Variants in PCDHGA10 observed in about 807,000 individuals in gnomAD.
PCDHGA10 encodes the protein protocadherin gamma-A10.
PCDHGA10 carries 42 observed loss-of-function variants against 59.5 expected under a neutral mutation model. The ratio of observed to expected loss-of-function variants is 0.71; its 90% CI spans 0.55 to 0.91. The LOEUF (loss-of-function observed/expected upper bound fraction) is 0.91, where lower values mean the gene tolerates loss of function less well. Ranked by LOEUF, PCDHGA10 falls within the 40% of genes least tolerant of loss-of-function variation. The probability of loss-of-function intolerance (pLI) is 0.00; values close to 1 mark genes in which losing one functional copy is unlikely to be tolerated. For missense variants in PCDHGA10, 1,111 were observed against 1,198.2 expected (o/e 0.93, Z 1.07); for synonymous variants, 511 against 517.2 (o/e 0.99, Z 0.16).
chr5:141,469,410 A>G (rs2099200490), intron 1 of PCDHGA10, among the ~76,000 whole-genome samples: 1 of 152,128 alleles, frequency 6.6e-6, no homozygotes, highest in Non-Finnish European at 1.5e-5. Context: ...CCCCGTTTCT[A>G]CTAAAAATAT....
At chr5:141,421,529 C>T in intron 1 of PCDHGA10, 1 of 1,614,020 alleles carries the variant, frequency 6.2e-7, no homozygotes, top group Non-Finnish European at 8.5e-7. Flanking sequence ...GAGACGGTGT[C>T]CTCCTGTTTT....
At chr5:141,441,855 G>A in intron 1 of PCDHGA10, 3 of 351,872 alleles carry the variant, frequency 8.5e-6, no homozygotes, top group Admixed American at 4.0e-5. Flanking sequence ...ATATGGTGCT[G>A]CACGCCGCGG....
At chr5:141,443,317 C>A (rs898636207) in intron 1 of PCDHGA10, among the ~76,000 whole-genome samples, 39 of 142,046 alleles carry the variant, frequency 2.7e-4, no homozygotes, top group Non-Finnish European at 2.5e-4. Context: ...CCCATCTCTA[C>A]AAAAAAAAAA....
At chr5:141,496,994 T>A (rs2099773177) in intron 2 of PCDHGA10, among the ~76,000 whole-genome samples, 1 of 151,862 alleles carries the variant, frequency 6.6e-6, no homozygotes, top group Non-Finnish European at 1.5e-5. Flanking sequence ...GAGACCAGCC[T>A]GGCAGCCAAC....
At position 141,414,850 on chromosome 5, in the gene PCDHGA10, C is replaced by T; in HGVS notation, c.1675C>T (p.Gln559Ter). The change falls in exon 1 of 4, where the codon CAG becomes TAG. Residue 559 changes from glutamine (Q) to a stop codon, truncating the protein, a stop_gained. Coordinates refer to ENST00000398610, the MANE Select transcript of PCDHGA10 (RefSeq NM_018913.3). LOFTEE classifies it high-confidence loss of function. ...GTCGTTGAGCCTGTTTGTGCTGGAC[C>T]AGAACGACAATGCGCCCGAGATCCT... is the stretch of plus-strand genomic sequence containing the variant. The part of the protein sequence containing the change: ...NVSLSLFVLD[Q>*]NDNAPEILYP... 6.2e-7 allele frequency: 1 copy of T among 1,614,212 alleles called. No individual in the cohort carries two copies. The highest frequency in any genetic ancestry group is 8.5e-7 in the Non-Finnish European group (1 of 1,180,038).
At chr5:141,458,989 T>C (rs1341538997) in intron 1 of PCDHGA10, among the ~76,000 whole-genome samples, 1 of 152,134 alleles carries the variant, frequency 6.6e-6, no homozygotes, top group Non-Finnish European at 1.5e-5. Flanking sequence ...TGCCTCACCC[T>C]CCCAAAGTGC....
chr5:141,501,130 G>C (rs528942194), intron 2 of PCDHGA10, among the ~76,000 whole-genome samples: 1 of 152,218 alleles, frequency 6.6e-6, no homozygotes, highest in South Asian at 2.1e-4. Flanking sequence ...GCCTCCCTAA[G>C]TGCTGGGATT....
Position 141,491,699 on chromosome 5 carries a change from A to G in PCDHGA10, c.2437-3108A>G. The G allele has an allele frequency of 6.2e-7, 1 of 1,612,008 alleles. No individual in the cohort carries two copies. The highest frequency in any genetic ancestry group is 1.1e-5 in the South Asian group (1 of 90,926). ...TCTAATACGCTGCGGGAGCGGAGCC[A>G]GGTGAGGGGCTCGGCGCCGCCCCGG... On this transcript the variant is annotated intron_variant, in intron 1 of 3. Transcript: ENST00000398610. The surrounding 1 kb of genome is among the most constrained non-coding windows in gnomAD (Gnocchi z 6.9).
In PCDHGA10 at chr5:141,431,538, A is replaced by G; in HGVS notation, c.2436+15927A>G. ...CCGGAGAATCTGGCCTTGGGCACGC[A>G]GCTGCTTGTAGTCAACGCTACCGAC... is the stretch of plus-strand genomic sequence containing the variant. On this transcript the variant is annotated intron_variant, in intron 1 of 3. Transcript: ENST00000398610. The surrounding 1 kb of genome is among the most constrained non-coding windows in gnomAD (Gnocchi z 4.8). The G allele has an allele frequency of 6.2e-7, 1 of 1,614,114 alleles. No individual in the cohort carries two copies. Among genetic ancestry groups the G allele is most frequent in the Non-Finnish European group, 8.5e-7 (1 of 1,180,024 alleles).
At chr5:141,422,219 C>T in intron 1 of PCDHGA10, 1 of 1,564,678 alleles carries the variant, frequency 6.4e-7, no homozygotes, top group Non-Finnish European at 8.6e-7. Context: ...CTCTTTACCA[C>T]CACGACGATG....
chr5:141,456,308 T>C (rs2098849199), intron 1 of PCDHGA10, among the ~76,000 whole-genome samples: 1 of 152,156 alleles, frequency 6.6e-6, no homozygotes, highest in Non-Finnish European at 1.5e-5. Context: ...GAACAGCAGC[T>C]AGGGCTCCTC....
chr5:141,431,984 G>A lies in PCDHGA10; in HGVS notation c.2436+16373G>A, dbSNP rs758365921. 2 of 1,614,220 alleles carry A rather than the reference G, an allele frequency of 1.2e-6. No individual in the cohort carries two copies. The highest frequency in any genetic ancestry group is 2.2e-5 in the South Asian group (2 of 91,086). On this transcript the variant is annotated intron_variant, in intron 1 of 3. Transcript: ENST00000398610. The surrounding 1 kb of genome is among the most constrained non-coding windows in gnomAD (Gnocchi z 4.8). ...TTACTATAGTTTAGTCACAGACATAGTCTTGGATAGGGAACAGGTTCCTAG... is the reference window on the plus strand; with the variant it reads ...TTACTATAGTTTAGTCACAGACATAATCTTGGATAGGGAACAGGTTCCTAG...
intron 1 of PCDHGA10, among the ~76,000 whole-genome samples, chr5:141,473,191 G>C (rs28479996): frequency 6.6e-6 from 1 of 152,134 alleles, no homozygotes; most frequent in South Asian, 2.1e-4. Flanking sequence ...AGGAGTAAAT[G>C]TATCTTCTAA....
chr5:141,476,726 C>T lies in PCDHGA10; in HGVS notation c.2437-18081C>T. On this transcript the variant is annotated intron_variant, in intron 1 of 3. Coordinates refer to ENST00000398610, the MANE Select transcript of PCDHGA10 (RefSeq NM_018913.3). This position sits in a 1 kb window ranked among gnomAD's most constrained non-coding sequence, Gnocchi z 7.6. ...GCTGGTGTTGGAGCGCGCCCTGGAC[C>T]GAGAACGGGAGCCTAGTCTCCAGTT... The T allele has an allele frequency of 6.2e-7, 1 of 1,614,116 alleles. No homozygotes were observed. The highest frequency in any genetic ancestry group is 8.5e-7 in the Non-Finnish European group (1 of 1,180,028).
At chr5:141,418,946 G>A in intron 1 of PCDHGA10, 3 of 1,614,018 alleles carry the variant, frequency 1.9e-6, no homozygotes, top group South Asian at 1.1e-5. Flanking sequence ...TTCCCCTCCA[G>A]GAGTGGTTGT....
At chr5:141,419,318 G>A in intron 1 of PCDHGA10, 1 of 1,613,992 alleles carries the variant, frequency 6.2e-7, no homozygotes, top group Non-Finnish European at 8.5e-7. Flanking sequence ...CAACGGCCGT[G>A]TCTCCTACTC....
At chr5:141,472,855 A>C (rs1179268125) in intron 1 of PCDHGA10, among the ~76,000 whole-genome samples, 3 of 151,078 alleles carry the variant, frequency 2.0e-5, no homozygotes, top group African/African-American at 7.3e-5. Flanking sequence ...GCATGGTGGC[A>C]CATGCCTGTA....
chr5:141,475,903 G>C, intron 1 of PCDHGA10: 5 of 576,064 alleles, frequency 8.7e-6, no homozygotes, highest in Non-Finnish European at 1.5e-5. Context: ...TGCCGCTGTC[G>C]GCCAATGAAG....
rs561451935 is a variant in PCDHGA10 at position 141,423,179 on chromosome 5, G to A, written c.2436+7568G>A. 21 of 1,613,516 alleles carry A rather than the reference G, an allele frequency of 1.3e-5. No individual in the cohort carries two copies. The South Asian group carries it at 2.1e-4, about 16-fold the overall frequency. ...CTCGTGGTGGCCGTCCAGGACCACG[G>A]CCAGCCCCCTCTCTCGGCCACCGTC... On this transcript the variant is annotated intron_variant, in intron 1 of 3. Transcript: ENST00000398610.
Sources: gnomAD v4.1 joint callset for allele counts (sites outside exome capture counted in the v4.1 genomes callset) on GRCh38, gnomAD v4.1.1 for gene constraint, Gnocchi (gnomAD v3.1) non-coding constraint, MANE v1.5 for transcripts, NCBI Gene and HGNC (gene_info 2026-07-23, HGNC 2026-07-21) for gene names.